Variants in CCDC40 observed in about 807,000 individuals in gnomAD.
CCDC40 encodes coiled-coil domain 40 molecular ruler complex subunit, also known as coiled-coil domain-containing protein 40.
In CCDC40, 104 loss-of-function variants were observed where a neutral mutation model predicts 124.5. The observed-to-expected ratio is 0.84, with a 90% CI of 0.71 to 0.98. CCDC40 has a LOEUF of 0.98. Among genes scored for constraint, CCDC40 ranks in the 50% least tolerant of loss-of-function variants. CCDC40 has a pLI of 0.00. For synonymous variants in CCDC40, 580 were observed against 602.9 expected (o/e 0.96, Z 0.56); for missense variants, 1,463 against 1,503.9 (o/e 0.97, Z 0.45).
intron 1 of CCDC40, among the ~76,000 whole-genome samples, chr17:80,037,720 T>TATATATATATATATATA (rs1555889200): frequency 2.5e-3 from 355 of 141,104 alleles, no homozygotes; most frequent in Non-Finnish European, 3.5e-3. Context: ...TATATATATA[T>TATATATATATATATATA]TCCTGTGCTA....
In CCDC40 at chr17:80,086,194, G is replaced by A; in HGVS notation, c.2427G>A (p.Glu809=). The change falls in exon 14 of 20, where the codon GAG becomes GAA. Residue 809 remains glutamate, a synonymous_variant. Transcript: ENST00000397545. The surrounding 1 kb of genome is among the most constrained non-coding windows in gnomAD (Gnocchi z 5.5). Reference sequence around the variant, plus strand: ...CCAAGAAGGAGCTCCACATCATGGAGCAGAAGAAACTACGAGTAGAAAGTA... The same window carrying A: ...CCAAGAAGGAGCTCCACATCATGGAACAGAAGAAACTACGAGTAGAAAGTA... ...DASKKELHIM[E]QKKLRVESKI... is the part of the protein sequence containing the mutation. The A allele has an allele frequency of 6.2e-7, 1 of 1,611,524 alleles. No homozygotes were observed. The highest frequency in any genetic ancestry group is 8.5e-7 in the Non-Finnish European group (1 of 1,178,916).
chr17:80,071,694 T>TAATA (rs1369343848), intron 10 of CCDC40, among the ~76,000 whole-genome samples: 1 of 152,118 alleles, frequency 6.6e-6, no homozygotes, highest in Non-Finnish European at 1.5e-5. Context: ...CACACTTTAT[T>TAATA]ATCAAACAGG....
chr17:80,091,843 G>GT (rs1314265908), intron 17 of CCDC40, among the ~76,000 whole-genome samples: 1 of 151,688 alleles, frequency 6.6e-6, no homozygotes, highest in African/African-American at 2.4e-5. Context: ...AATTCTGACT[G>GT]TAACAGCCTG....
chr17:80,075,694 G>A (rs2143717250), intron 10 of CCDC40, among the ~76,000 whole-genome samples: 1 of 152,122 alleles, frequency 6.6e-6, no homozygotes, highest in Middle Eastern at 3.4e-3. Context: ...AGCTAGGCTG[G>A]TCTCGAACTC....
chr17:80,067,235 G>A lies in CCDC40; in HGVS notation c.1562+1629G>A, dbSNP rs148591193. On this transcript the variant is annotated intron_variant, in intron 10 of 19. Coordinates refer to ENST00000397545, the MANE Select transcript of CCDC40 (RefSeq NM_017950.4). ...CTAACCAGTGTCCTCTCTGCAAACC[G>A]TCCTCATTGCCCTCAGAGACATGGC... The A allele has an allele frequency of 1.4e-4, 55 of 398,966 alleles. No individual in the cohort carries two copies. The South Asian group carries it at 1.6e-3, about 12-fold the overall frequency. 24.7% of individuals were successfully genotyped at this position (398,966 alleles called of 1,614,324 possible).
chr17:80,047,221 A>G, intron 3 of CCDC40, 58 bp from the exon 4 acceptor site: 1 of 1,571,050 alleles, frequency 6.4e-7, no homozygotes, highest in Non-Finnish European at 8.7e-7. Context: ...TTAAAATTGA[A>G]TAACTTCTCA....
At chr17:80,082,568 C>T (rs944593760) in intron 12 of CCDC40, among the ~76,000 whole-genome samples, 1 of 152,192 alleles carries the variant, frequency 6.6e-6, no homozygotes, top group African/African-American at 2.4e-5. Flanking sequence ...AGAGCACATC[C>T]TAGCAGTGGG....
At chr17:80,049,014 G>A (rs896354010) in intron 5 of CCDC40, among the ~76,000 whole-genome samples, 1 of 152,086 alleles carries the variant, frequency 6.6e-6, no homozygotes, top group African/African-American at 2.4e-5. Flanking sequence ...ATTCTGTGCT[G>A]TGCCTTGCAT....
At chr17:80,059,052 C>G in intron 9 of CCDC40, 72 bp downstream of exon 9, 1 of 1,578,854 alleles carries the variant, frequency 6.3e-7, no homozygotes, top group Admixed American at 1.7e-5. Flanking sequence ...GCTGGTGGGT[C>G]TACTAGACTG....
At chr17:80,067,358 C>G (rs1050886755) in intron 10 of CCDC40, 2 of 592,954 alleles carry the variant, frequency 3.4e-6, no homozygotes, top group African/African-American at 3.7e-5. Flanking sequence ...CAAGCAAAGG[C>G]ACCTGGTTTT....
Position 80,066,081 on chromosome 17 carries a change from A to G in CCDC40, c.1562+475A>G. 1 of 702,986 alleles carries G rather than the reference A, an allele frequency of 1.4e-6. No individual in the cohort carries two copies. Among genetic ancestry groups the G allele is most frequent in the Non-Finnish European group, 2.6e-6 (1 of 384,978 alleles). 43.5% of individuals were successfully genotyped at this position (702,986 alleles called of 1,614,324 possible). A position where few individuals can be genotyped will look rare whatever the true frequency, so the allele number is the denominator to read the frequency against. On this transcript the variant is annotated intron_variant, in intron 10 of 19. Coordinates refer to ENST00000397545, the MANE Select transcript of CCDC40 (RefSeq NM_017950.4). The surrounding 1 kb of genome is among the most constrained non-coding windows in gnomAD (Gnocchi z 4.4). ...TGGGGATGGATGCGTGGCTCAGGGC[A>G]GGGCGTTGGAGACACAGGTGCTGCC... is the stretch of plus-strand genomic sequence containing the variant.
chr17:80,087,078 A>G lies in CCDC40; in HGVS notation c.2450-529A>G. On this transcript the variant is annotated intron_variant, in intron 14 of 19. Coordinates refer to ENST00000397545, the MANE Select transcript of CCDC40 (RefSeq NM_017950.4). The surrounding 1 kb of genome is among the most constrained non-coding windows in gnomAD (Gnocchi z 4.5). The stretch of plus-strand genomic sequence containing the variant: ...GGCACACCATGGGGACAGCAGGAGG[A>G]GCTGGAGAAGCCCTGTGAGGAGTGG... 1 of 208,210 alleles carries G rather than the reference A, an allele frequency of 4.8e-6. No homozygotes were observed. Among genetic ancestry groups the G allele is most frequent in the Non-Finnish European group, 9.9e-6 (1 of 101,364 alleles). The allele number at this position is 208,210 out of a possible 1,614,324, so 12.9% of individuals were successfully genotyped here. A position where few individuals can be genotyped will look rare whatever the true frequency, so the allele number is the denominator to read the frequency against.
chr17:80,087,955 G>T lies in CCDC40; in HGVS notation c.2620-56G>T. ...TGCCGGGATAGAGGGCACCAGCCCC[G>T]GCATCCACAATCCCATGGCCCTCCC... is the stretch of plus-strand genomic sequence containing the variant. On this transcript the variant is annotated intron_variant, in intron 15 of 19. Transcript: ENST00000397545. This position sits in a 1 kb window ranked among gnomAD's most constrained non-coding sequence, Gnocchi z 4.5. 2.8e-6 allele frequency: 4 copies of T among 1,411,512 alleles called. No homozygotes were observed. Among genetic ancestry groups the T allele is most frequent in the Non-Finnish European group, 3.0e-6 (3 of 996,202 alleles). The allele number at this position is 1,411,512 out of a possible 1,614,324, so 87.4% of individuals were successfully genotyped here.
Position 80,040,157 on chromosome 17 carries a change from G to A in CCDC40, c.439G>A (p.Gly147Ser), listed in dbSNP as rs369439725. The change falls in exon 3 of 20, where the codon GGT (glycine) becomes AGT (serine). Residue 147 changes from glycine (G) to serine (S), a missense_variant. Coordinates refer to ENST00000397545, the MANE Select transcript of CCDC40 (RefSeq NM_017950.4). Reference protein sequence around the residue: ...GLQGFQQEATGPPESRERRVT... With the variant: ...GLQGFQQEATSPPESRERRVT... ...CCAAGGCTTCCAGCAAGAGGCCACCGGTCCACCAGAATCCAGAGAAAGGAG... is the reference window on the plus strand; with the variant it reads ...CCAAGGCTTCCAGCAAGAGGCCACCAGTCCACCAGAATCCAGAGAAAGGAG... The A allele has an allele frequency of 1.2e-5, 20 of 1,613,802 alleles. No individual in the cohort carries two copies. Among genetic ancestry groups the A allele is most frequent in the African/African-American group, 1.3e-5 (1 of 74,916 alleles).
chr17:80,052,126 C>T (rs1245449765), intron 7 of CCDC40, among the ~76,000 whole-genome samples: 1 of 152,216 alleles, frequency 6.6e-6, no homozygotes, highest in African/African-American at 2.4e-5. Flanking sequence ...GGTCACCTGC[C>T]TCATCTGGGA....
chr17:80,044,417 C>A (rs1343326557), intron 3 of CCDC40, among the ~76,000 whole-genome samples: 1 of 152,190 alleles, frequency 6.6e-6, no homozygotes, highest in Non-Finnish European at 1.5e-5. Context: ...GGCCTAGTGG[C>A]TCATGGCTGT....
intron 10 of CCDC40, among the ~76,000 whole-genome samples, chr17:80,077,628 C>T (rs897413385): frequency 3.3e-5 from 5 of 152,248 alleles, no homozygotes; most frequent in African/African-American, 4.8e-5. Flanking sequence ...CACATCCTCG[C>T]CAACATTTGG....
Position 80,036,681 on chromosome 17 carries a change from G to C in CCDC40, c.19G>C (p.Ala7Pro), listed in dbSNP as rs765319797. Residue 7 changes from alanine to proline, a missense_variant, in exon 1 of 20, where the codon GCG (alanine) becomes CCG (proline). By Grantham distance (27) the Ala-to-Pro change is conservative. Coordinates refer to ENST00000397545, the MANE Select transcript of CCDC40 (RefSeq NM_017950.4). ...ACGGGAAATGGCGGAACCGGGCGGC[G>C]CGGCGGGCCGGTAAGCCGGGCCGAG... MAEPGGAAGRSHPEDGS... is the reference protein window; with the variant it reads MAEPGGPAGRSHPEDGS... 5 of 1,460,620 alleles carry C rather than the reference G, an allele frequency of 3.4e-6. No homozygotes were observed. Among genetic ancestry groups the C allele is most frequent in the Non-Finnish European group, 4.5e-6 (5 of 1,108,356 alleles). The allele number at this position is 1,460,620 out of a possible 1,614,324, so 90.5% of individuals were successfully genotyped here.
intron 19 of CCDC40, 31 bp from the exon 20 acceptor site, chr17:80,099,496 A>G: frequency 6.2e-7 from 1 of 1,601,044 alleles, no homozygotes; most frequent in Non-Finnish European, 8.5e-7. Flanking sequence ...TGGTTTGCAT[A>G]GCCCTATATG....
Sources: gnomAD v4.1 joint callset for allele counts (sites outside exome capture counted in the v4.1 genomes callset) on GRCh38, gnomAD v4.1.1 for gene constraint, Gnocchi (gnomAD v3.1) non-coding constraint, MANE v1.5 for transcripts, NCBI Gene and HGNC (gene_info 2026-07-23, HGNC 2026-07-21) for gene names.